MORC3: variants seen among roughly 807,000 people sequenced by gnomAD.
MORC3 encodes the protein MORC family CW-type zinc finger protein 3.
In MORC3, 31 loss-of-function variants were observed where a neutral mutation model predicts 109.1. The ratio of observed to expected loss-of-function variants is 0.28; its 90% CI spans 0.21 to 0.38. The LOEUF (loss-of-function observed/expected upper bound fraction) is 0.38. Among genes scored for constraint, MORC3 ranks in the 10% least tolerant of loss-of-function variants. The pLI is 1.00. For synonymous variants in MORC3, 395 were observed against 380.7 expected, an observed-to-expected ratio of 1.04 and a Z score of -0.44; for missense variants, 867 against 1,135.8, an observed-to-expected ratio of 0.76 and a Z score of 3.40.
intron 6 of MORC3, among the ~76,000 whole-genome samples, chr21:36,343,095 T>C (rs2146306488): frequency 7.4e-5 from 1 of 13,436 alleles, no homozygotes; most frequent in East Asian, 0.056. Context: ...ATATCAAGGT[T>C]TTTTTGTTTG....
At position 36,349,337 on chromosome 21, in the gene MORC3, T is replaced by C; in HGVS notation, c.1032T>C (p.Val344=). 2 of 1,611,142 alleles carry C rather than the reference T, an allele frequency of 1.2e-6. No homozygotes were observed. Among genetic ancestry groups the C allele is most frequent in the Non-Finnish European group, 1.7e-6 (2 of 1,179,134 alleles). Residue 344 remains valine, a synonymous_variant, in exon 9 of 17, where the codon GTT becomes GTC. Transcript: ENST00000400485. ...LRANNMGVGV[V]GIIECNFLKP... ...CAAACAACATGGGTGTTGGAGTGGT[T>C]GGAATTATAGAGTGTAATTTCCTTA...
At chr21:36,348,553 G>A (rs1039204561) in intron 8 of MORC3, among the ~76,000 whole-genome samples, 2 of 152,172 alleles carry the variant, frequency 1.3e-5, no homozygotes, top group Non-Finnish European at 2.9e-5. Flanking sequence ...GATTACAGGT[G>A]CATGCCACCA....
intron 4 of MORC3, among the ~76,000 whole-genome samples, chr21:36,338,262 G>A (rs1051029293): frequency 3.3e-5 from 5 of 152,162 alleles, no homozygotes; most frequent in Non-Finnish European, 1.5e-5. Context: ...ACAAAAGGCA[G>A]GATAACTTTA....
rs2085926189 is a variant in MORC3 at position 36,376,054 on chromosome 21, T to A, written c.*758T>A. 1.3e-5 allele frequency: 2 copies of A among 152,288 alleles called. No homozygotes were observed. Among genetic ancestry groups the A allele is most frequent in the Non-Finnish European group, 2.9e-5 (2 of 68,042 alleles). The allele number at this position is 152,288 out of a possible 1,614,324, so 9.4% of individuals were successfully genotyped here. A position where few individuals can be genotyped will look rare whatever the true frequency, so the allele number is the denominator to read the frequency against. On this transcript the variant is annotated 3_prime_UTR_variant, in exon 17 of 17. Transcript: ENST00000400485. ...GCATGAAGTGGGCATGATAATTTTT[T>A]AATATTTCTTTTTGTGAAATTTCCT... is the stretch of plus-strand genomic sequence containing the variant.
chr21:36,344,806 G>A (rs1279843372), intron 7 of MORC3, 99 bp downstream of exon 7: 10 of 1,590,498 alleles, frequency 6.3e-6, no homozygotes, highest in African/African-American at 1.4e-5. Context: ...GTCTGCTCTA[G>A]CTTTGCCCTC....
intron 4 of MORC3, 136 bp from the exon 5 acceptor site, chr21:36,338,638 C>A: frequency 7.2e-6 from 6 of 828,984 alleles, no homozygotes; most frequent in African/African-American, 1.7e-5. Context: ...AATAGTGAGA[C>A]CCTATCTCAC....
chr21:36,343,629 A>G (rs1349459388), intron 6 of MORC3, among the ~76,000 whole-genome samples: 1 of 150,698 alleles, frequency 6.6e-6, no homozygotes, highest in South Asian at 2.1e-4. Context: ...TTGTATTTTT[A>G]GTAGAGACAG....
chr21:36,350,566 C>T (rs979915745), intron 9 of MORC3, among the ~76,000 whole-genome samples: 3 of 148,174 alleles, frequency 2.0e-5, no homozygotes, highest in Non-Finnish European at 3.0e-5. Context: ...AAAAAAATTT[C>T]GGTTCTTTGG....
chr21:36,366,319 A>G (rs1315723034), intron 14 of MORC3, among the ~76,000 whole-genome samples: 2 of 152,200 alleles, frequency 1.3e-5, no homozygotes, highest in Admixed American at 1.3e-4. Flanking sequence ...TAATTCCCTT[A>G]GGATAAAGGC....
At chr21:36,333,039 G>A (rs1036151618) in intron 1 of MORC3, among the ~76,000 whole-genome samples, 1 of 151,958 alleles carries the variant, frequency 6.6e-6, no homozygotes, top group South Asian at 2.1e-4. Flanking sequence ...TGCCCGCCTC[G>A]GCCTCCCAAA....
intron 2 of MORC3, among the ~76,000 whole-genome samples, chr21:36,334,269 A>G (rs1371178925): frequency 6.6e-6 from 1 of 152,166 alleles, no homozygotes; most frequent in East Asian, 1.9e-4. Flanking sequence ...GATACCTTGA[A>G]TGATAACATT....
chr21:36,331,207 T>TC (rs1395905164), intron 1 of MORC3, among the ~76,000 whole-genome samples: 1 of 152,196 alleles, frequency 6.6e-6, no homozygotes, highest in East Asian at 1.9e-4. Context: ...CCACCTTTTT[T>TC]CCCCTTATTA....
intron 16 of MORC3, among the ~76,000 whole-genome samples, chr21:36,374,548 A>C (rs2085907719): frequency 6.6e-6 from 1 of 152,066 alleles, no homozygotes; most frequent in Non-Finnish European, 1.5e-5. Context: ...TAATCCCAGC[A>C]CTCTGAGGTG....
intron 2 of MORC3, among the ~76,000 whole-genome samples, chr21:36,334,796 T>C (rs1054076810): frequency 1.3e-4 from 20 of 152,204 alleles, no homozygotes; most frequent in African/African-American, 4.1e-4. Flanking sequence ...GGTTGCGGTC[T>C]GATTTGCATT....
chr21:36,333,911 T>C (rs1025078923), intron 2 of MORC3, among the ~76,000 whole-genome samples, 193 bp downstream of exon 2: 3 of 151,626 alleles, frequency 2.0e-5, no homozygotes, highest in Non-Finnish European at 4.4e-5. Context: ...GCCTCCTGAG[T>C]AGCTGGGACT....
rs910020762 is a variant in MORC3, at chr21:36,320,228, C to T, written c.-37C>T. 28 of 1,566,562 alleles carry T rather than the reference C, an allele frequency of 1.8e-5. 1 individual carries two copies. Among genetic ancestry groups the T allele is most frequent in the East Asian group, 4.8e-5 (2 of 41,504 alleles). On this transcript the variant is annotated 5_prime_UTR_variant, in exon 1 of 17. Coordinates refer to ENST00000400485, the MANE Select transcript of MORC3 (RefSeq NM_015358.3). ...GTTCCGCCACCTCCCAGTCGGGTTGCGGCGGAGGCCGTTCCTGGCTTTGTA... is the reference window on the plus strand; with the variant it reads ...GTTCCGCCACCTCCCAGTCGGGTTGTGGCGGAGGCCGTTCCTGGCTTTGTA...
At chr21:36,365,730 A>G (rs146769869) in intron 14 of MORC3, among the ~76,000 whole-genome samples, 4,030 of 152,142 alleles carry the variant, frequency 0.026, 170 homozygotes, top group African/African-American at 0.089. Flanking sequence ...ACAGGCACGC[A>G]CCACCATGCC....
At chr21:36,334,868 C>G (rs566973285) in intron 2 of MORC3, among the ~76,000 whole-genome samples, 1 of 152,160 alleles carries the variant, frequency 6.6e-6, no homozygotes, top group African/African-American at 2.4e-5. Flanking sequence ...CAGTTGTTCA[C>G]ACCTGTAATC....
chr21:36,357,078 T>G (rs200268813), intron 10 of MORC3, among the ~76,000 whole-genome samples: 1 of 152,358 alleles, frequency 6.6e-6, no homozygotes, highest in African/African-American at 2.4e-5. Context: ...TAAGTAGCCA[T>G]GTGGCATTGA....
Sources: allele counts gnomAD v4.1 joint callset (sites outside exome capture counted in the v4.1 genomes callset), GRCh38; gene constraint gnomAD v4.1.1; transcripts MANE v1.5; gene names NCBI Gene and HGNC (gene_info 2026-07-23, HGNC 2026-07-21).